The following CATSPERT variants were observed in gnomAD, a reference collection of about 807,000 sequenced individuals.
The protein encoded by CATSPERT is catsper channel auxiliary subunit tau.
chr2:201,560,264 G>A, the CATSPERT span, among the ~76,000 whole-genome samples: 1 of 151,682 alleles, frequency 6.6e-6, no homozygotes, highest in Non-Finnish European at 1.5e-5. Flanking sequence ...CCTGTCTCTA[G>A]TAAAAATACA....
the CATSPERT span, chr2:201,535,868 T>C: frequency 6.6e-7 from 1 of 1,504,310 alleles, no homozygotes; most frequent in Non-Finnish European, 8.8e-7. Context: ...GTCTTGGCTT[T>C]GAAAGCTACC....
chr2:201,491,100 T>C, the CATSPERT span: 6 of 1,300,644 alleles, frequency 4.6e-6, no homozygotes, highest in Non-Finnish European at 6.2e-6. Flanking sequence ...GATGCAGATA[T>C]ATACACCCTA....
chr2:201,568,033 GC>G, the CATSPERT span, among the ~76,000 whole-genome samples: 1 of 152,140 alleles, frequency 6.6e-6, no homozygotes, highest in Admixed American at 6.5e-5. Flanking sequence ...ATCCAAAGAG[GC>G]CCAGCTGTGG....
chr2:201,567,888 C>G, the CATSPERT span, among the ~76,000 whole-genome samples: 1 of 152,188 alleles, frequency 6.6e-6, no homozygotes, highest in African/African-American at 2.4e-5. Flanking sequence ...AATGGCAGAG[C>G]AGCTTGCATG....
chr2:201,585,692 C>T, the CATSPERT span, among the ~76,000 whole-genome samples: 3 of 152,030 alleles, frequency 2.0e-5, no homozygotes, highest in Non-Finnish European at 4.4e-5. Context: ...TTTCTAAGAT[C>T]CTTGCTCTTC....
chr2:201,521,559 A>G, the CATSPERT span, among the ~76,000 whole-genome samples: 1 of 152,158 alleles, frequency 6.6e-6, no homozygotes, highest in Non-Finnish European at 1.5e-5. Flanking sequence ...CCATGATGCA[A>G]TCATCTCCCA....
At chr2:201,606,587 G>C in the CATSPERT span, among the ~76,000 whole-genome samples, 1 of 152,092 alleles carries the variant, frequency 6.6e-6, no homozygotes, top group East Asian at 1.9e-4. Context: ...AAAGATAGTG[G>C]GGAAAACTTC....
chr2:201,578,265 A>T, the CATSPERT span, among the ~76,000 whole-genome samples: 1 of 152,128 alleles, frequency 6.6e-6, no homozygotes, highest in Non-Finnish European at 1.5e-5. Flanking sequence ...CAGCAACATA[A>T]AGACTTGAAC....
At chr2:201,595,541 C>T in the CATSPERT span, among the ~76,000 whole-genome samples, 2 of 152,090 alleles carry the variant, frequency 1.3e-5, no homozygotes, top group African/African-American at 2.4e-5. Context: ...TGTTGGAGTA[C>T]TCGGCCGTGT....
chr2:201,551,082 T>C, the CATSPERT span: 1 of 152,246 alleles, frequency 6.6e-6, no homozygotes, highest in Admixed American at 6.5e-5. Context: ...ACTGTGCACG[T>C]CCACCTATAT....
chr2:201,601,782 T>C, the CATSPERT span: 2 of 1,612,342 alleles, frequency 1.2e-6, no homozygotes, highest in East Asian at 2.2e-5. Flanking sequence ...AATTACAGTG[T>C]TCTTCTCATC....
chr2:201,528,176 C>G, the CATSPERT span, among the ~76,000 whole-genome samples: 1 of 151,922 alleles, frequency 6.6e-6, no homozygotes, highest in South Asian at 2.1e-4. Context: ...CATTACTCAT[C>G]ATCAGAGAGA....
chr2:201,494,445 T>C, the CATSPERT span: 1 of 1,537,588 alleles, frequency 6.5e-7, no homozygotes, highest in East Asian at 2.4e-5. Context: ...AAGATACATT[T>C]GGTAGATTTT....
chr2:201,506,068 C>A, the CATSPERT span, among the ~76,000 whole-genome samples: 11 of 152,260 alleles, frequency 7.2e-5, no homozygotes, highest in Admixed American at 2.6e-4. Context: ...GAGATCGAGA[C>A]CATCCTGGCT....
the CATSPERT span, among the ~76,000 whole-genome samples, chr2:201,560,294 CA>C: frequency 1.3e-5 from 2 of 151,726 alleles, no homozygotes; most frequent in African/African-American, 4.8e-5. Context: ...CTTGGTGGCT[CA>C]CATCTGTAAT....
chr2:201,511,489 C>A, the CATSPERT span, among the ~76,000 whole-genome samples: 1 of 152,044 alleles, frequency 6.6e-6, no homozygotes, highest in East Asian at 1.9e-4. Flanking sequence ...CTGTAAAATC[C>A]AAGGTCTTTT....
the CATSPERT span, among the ~76,000 whole-genome samples, chr2:201,566,439 A>G: frequency 5.1e-3 from 726 of 142,908 alleles, 6 homozygotes; most frequent in African/African-American, 0.018. Context: ...CCCACCTATG[A>G]GTGACAACAT....
the CATSPERT span, among the ~76,000 whole-genome samples, chr2:201,520,322 A>G: frequency 1.3e-5 from 2 of 152,224 alleles, no homozygotes; most frequent in Admixed American, 1.3e-4. Flanking sequence ...AAAGGGACTT[A>G]ACAGACATTT....
the CATSPERT span, among the ~76,000 whole-genome samples, chr2:201,570,521 A>G: frequency 1.3e-5 from 2 of 152,310 alleles, no homozygotes; most frequent in African/African-American, 4.8e-5. Flanking sequence ...TTTACATGTA[A>G]CTTATTTAAT....
Sources: allele counts gnomAD v4.1 joint callset (sites outside exome capture counted in the v4.1 genomes callset), GRCh38; gene constraint gnomAD v4.1.1; transcripts MANE v1.5; gene names NCBI Gene and HGNC (gene_info 2026-07-23, HGNC 2026-07-21).